Variants in SORBS2 observed in about 807,000 individuals in gnomAD.
The protein encoded by SORBS2 is sorbin and SH3 domain containing 2.
SORBS2 carries 46 observed loss-of-function variants against 97.7 expected under a neutral mutation model. That is an observed-to-expected ratio of 0.47 (90% CI 0.37 to 0.60). The LOEUF (loss-of-function observed/expected upper bound fraction) is 0.60. Ranked by LOEUF, SORBS2 falls within the 20% of genes least tolerant of loss-of-function variation. The probability of loss-of-function intolerance (pLI) is 0.00; values close to 1 mark genes in which losing one functional copy is unlikely to be tolerated. For synonymous variants in SORBS2, 476 were observed against 473.4 expected (o/e 1.01, Z -0.07); for missense variants, 1,316 against 1,282.3 (o/e 1.03, Z -0.40).
intron 4 of SORBS2, among the ~76,000 whole-genome samples, chr4:185,633,346 A>G (rs1482526296): frequency 6.6e-6 from 1 of 152,156 alleles, no homozygotes; most frequent in Non-Finnish European, 1.5e-5. Flanking sequence ...TTACATTCTG[A>G]AAAACTATAA....
At chr4:185,659,418 AC>A (rs2097473392), upstream of SORBS2, among the ~76,000 whole-genome samples, 1 of 150,990 alleles carries the variant, frequency 6.6e-6, no homozygotes, top group Non-Finnish European at 1.5e-5. Context: ...CCTTATTTTT[AC>A]TTCTTTATTT....
At chr4:185,600,986 C>T (rs1561327057) in intron 12 of SORBS2, among the ~76,000 whole-genome samples, 2 of 151,864 alleles carry the variant, frequency 1.3e-5, no homozygotes, top group Non-Finnish European at 2.9e-5. Flanking sequence ...GTTTTATTTT[C>T]CTTCCAATAG....
chr4:185,865,100 A>G (rs1028601919), intron 1 of SORBS2, among the ~76,000 whole-genome samples: 18 of 152,094 alleles, frequency 1.2e-4, no homozygotes, highest in Admixed American at 6.6e-4. Context: ...CTCAGTTTCG[A>G]CATTACCATG....
At chr4:185,936,096 T>A (rs941216600) in intron 1 of SORBS2, among the ~76,000 whole-genome samples, 3 of 152,184 alleles carry the variant, frequency 2.0e-5, no homozygotes, top group Admixed American at 6.5e-5. Context: ...TGAGCTCAAG[T>A]GATTAGCCCG....
intron 12 of SORBS2, among the ~76,000 whole-genome samples, chr4:185,610,280 G>C (rs2096512218): frequency 6.6e-6 from 1 of 152,142 alleles, no homozygotes; most frequent in Non-Finnish European, 1.5e-5. Context: ...GTTATTTAAA[G>C]ATGACTGAAT....
At chr4:185,804,422 C>T (rs1277945514) in intron 1 of SORBS2, among the ~76,000 whole-genome samples, 7 of 152,150 alleles carry the variant, frequency 4.6e-5, no homozygotes, top group Non-Finnish European at 7.3e-5. Flanking sequence ...AGACTGGACA[C>T]GTCAAAACAC....
upstream of SORBS2, chr4:185,657,392 C>T (rs1336494253): frequency 2.7e-6 from 4 of 1,508,586 alleles, no homozygotes; most frequent in Non-Finnish European, 3.5e-6. Context: ...TGTGCACAGC[C>T]CCAGACAGAC....
intron 2 of SORBS2, among the ~76,000 whole-genome samples, chr4:185,745,741 A>G (rs530974616): frequency 6.6e-6 from 1 of 152,316 alleles, no homozygotes; most frequent in East Asian, 1.9e-4. Context: ...CAACGGATAT[A>G]TTTCATTTTT....
In SORBS2 at chr4:185,638,177, A is replaced by G; in HGVS notation, c.397-7579T>C. On this transcript the variant is annotated intron_variant, in intron 4 of 14. Transcript: ENST00000418609. The stretch of plus-strand genomic sequence containing the variant: ...ATGCGATCAGTCTAGAGCAGATGTG[A>G]AGGAAAAGGGAAGGAAAAGGCACAC... The G allele has an allele frequency of 6.5e-7, 1 of 1,534,702 alleles. No individual in the cohort carries two copies. Among genetic ancestry groups the G allele is most frequent in the Non-Finnish European group, 9.0e-7 (1 of 1,109,252 alleles).
chr4:185,702,388 G>A (rs1562005185), intron 2 of SORBS2, among the ~76,000 whole-genome samples: 1 of 152,120 alleles, frequency 6.6e-6, no homozygotes, highest in Non-Finnish European at 1.5e-5. Context: ...CAGCTCTCAA[G>A]GGAGCTCCCC....
At chr4:185,927,587 C>T (rs2099264368) in intron 1 of SORBS2, among the ~76,000 whole-genome samples, 1 of 152,098 alleles carries the variant, frequency 6.6e-6, no homozygotes, top group East Asian at 1.9e-4. Flanking sequence ...CAGTTCTTAA[C>T]CAAAGGCTCC....
chr4:185,780,994 A>G (rs377240739), intron 1 of SORBS2, among the ~76,000 whole-genome samples: 6 of 152,042 alleles, frequency 3.9e-5, no homozygotes, highest in African/African-American at 1.4e-4. Flanking sequence ...CTGGAGTGCA[A>G]TGGGGTGATC....
In SORBS2 at chr4:185,623,264, G is replaced by T. The variant is rs1461198120; in HGVS notation, c.1865C>A (p.Thr622Asn). 2 of 1,614,148 alleles carry T rather than the reference G, an allele frequency of 1.2e-6. No individual in the cohort carries two copies. The highest frequency in any genetic ancestry group is 1.7e-5 in the Admixed American group (1 of 60,024). ...AGATGCTTTACATTTTGCCTTTTCA[G>T]TCTGTTTCTTAGGAGCCGAATTTTT... The change falls in exon 7 of 15, where the codon ACT becomes AAT. Residue 622 changes from threonine to asparagine, a missense_variant. By Grantham distance (65) the Thr-to-Asn change is moderately conservative. Transcript: ENST00000418609. This position sits in a 1 kb window ranked among gnomAD's most constrained non-coding sequence, Gnocchi z 6.4.
At chr4:185,655,596 T>C (rs923209011) in intron 1 of SORBS2, among the ~76,000 whole-genome samples, 9 of 152,214 alleles carry the variant, frequency 5.9e-5, no homozygotes, top group African/African-American at 1.7e-4. Context: ...TCTGCATTGG[T>C]TATATTGTGT....
At chr4:185,860,345 C>T (rs1215547143) in intron 1 of SORBS2, among the ~76,000 whole-genome samples, 3 of 152,124 alleles carry the variant, frequency 2.0e-5, no homozygotes, top group African/African-American at 4.8e-5. Context: ...TTGACAATTT[C>T]GATAATGAGT....
chr4:185,601,158 C>T (rs28512220), intron 12 of SORBS2, among the ~76,000 whole-genome samples: 3,306 of 152,262 alleles, frequency 0.022, 93 homozygotes, highest in African/African-American at 0.061. Context: ...CCCAGCCTCT[C>T]GGGATGAAAT....
chr4:185,703,923 A>G lies in SORBS2; in HGVS notation c.-197-25101T>C, dbSNP rs529186710. On this transcript the variant is annotated intron_variant, in intron 2 of 20. Coordinates refer to the SORBS2 transcript ENST00000284776. Reference sequence around the variant, plus strand: ...AAAAAAGGCAACGTATTTTCCTTCAAAAATACAGATTAACTCTAGGTCAAG... The same window carrying G: ...AAAAAAGGCAACGTATTTTCCTTCAGAAATACAGATTAACTCTAGGTCAAG... Among the ~76,000 whole-genome samples the G allele has an allele frequency of 1.6e-4, 25 of 152,348 alleles. No individual in the cohort carries two copies. In the South Asian group the frequency reaches 5.2e-3, roughly 32 times the overall value.
At chr4:185,670,554 TTC>T (rs1315476086) in intron 4 of SORBS2, among the ~76,000 whole-genome samples, 1 of 152,022 alleles carries the variant, frequency 6.6e-6, no homozygotes, top group Non-Finnish European at 1.5e-5. Context: ...CAGGCTTTTG[TTC>T]TCTTTTTTCC....
At chr4:185,848,771 C>G (rs957528355) in intron 1 of SORBS2, among the ~76,000 whole-genome samples, 2 of 151,660 alleles carry the variant, frequency 1.3e-5, no homozygotes, top group African/African-American at 2.4e-5. Flanking sequence ...CACCACCATA[C>G]CTGTCTAGGA....
Sources: gnomAD v4.1 joint callset for allele counts (sites outside exome capture counted in the v4.1 genomes callset) on GRCh38, gnomAD v4.1.1 for gene constraint, Gnocchi (gnomAD v3.1) non-coding constraint, MANE v1.5 for transcripts, NCBI Gene and HGNC (gene_info 2026-07-23, HGNC 2026-07-21) for gene names.